Variants in GLG1 observed in about 807,000 individuals in gnomAD.
GLG1 encodes golgi glycoprotein 1, also known as Golgi apparatus protein 1.
Under a neutral mutation model 160.5 loss-of-function variants are expected in GLG1, and 38 were observed. The observed-to-expected ratio is 0.24, with a 90% CI of 0.18 to 0.31. The LOEUF (loss-of-function observed/expected upper bound fraction) is 0.31. GLG1 is among the 10% of genes least tolerant of loss of function. The pLI, the probability that GLG1 is intolerant of heterozygous loss-of-function variation, is 1.00. For synonymous variants in GLG1, 644 were observed against 543.4 expected (o/e 1.19, Z -2.57); for missense variants, 1,373 against 1,505.2 (o/e 0.91, Z 1.45).
At chr16:74,463,117 G>A (rs1449123021) in intron 20 of GLG1, 2 of 530,728 alleles carry the variant, frequency 3.8e-6, no homozygotes, top group East Asian at 3.1e-5. Context: ...CTGCCGGCCT[G>A]ATTCCTTCTG....
intron 1 of GLG1, among the ~76,000 whole-genome samples, chr16:74,535,008 AC>A (rs981298021): frequency 6.6e-6 from 1 of 152,082 alleles, no homozygotes; most frequent in African/African-American, 2.4e-5. Flanking sequence ...GTATTCCTGC[AC>A]CCCTGCCATT....
chr16:74,491,704 C>G (rs2015997072), intron 7 of GLG1, among the ~76,000 whole-genome samples: 1 of 133,068 alleles, frequency 7.5e-6, no homozygotes, highest in Non-Finnish European at 1.5e-5. Flanking sequence ...AGCGCGCGAT[C>G]TCGGCTCACT....
chr16:74,552,110 C>A (rs533453004), intron 1 of GLG1: 61 of 241,438 alleles, frequency 2.5e-4, no homozygotes, highest in Admixed American at 2.3e-3. Context: ...AAAAGCACAT[C>A]CAACATTTAC....
At chr16:74,510,591 T>C (rs1217661264) in intron 2 of GLG1, among the ~76,000 whole-genome samples, 1 of 152,218 alleles carries the variant, frequency 6.6e-6, no homozygotes, top group African/African-American at 2.4e-5. Context: ...CATTCCTCTC[T>C]GGCTACTATA....
chr16:74,564,082 G>A (rs538338878), intron 1 of GLG1, among the ~76,000 whole-genome samples: 20 of 152,242 alleles, frequency 1.3e-4, no homozygotes, highest in African/African-American at 2.9e-4. Flanking sequence ...CACGAGGCCC[G>A]GCTAATTTTT....
chr16:74,465,879 G>A, intron 18 of GLG1, 66 bp from the exon 19 acceptor site: 1 of 1,371,630 alleles, frequency 7.3e-7, no homozygotes, highest in Non-Finnish European at 1.0e-6. Flanking sequence ...TGTTCTGATT[G>A]AAACATTCAG....
At chr16:74,528,878 C>T (rs1165950328) in intron 2 of GLG1, among the ~76,000 whole-genome samples, 36 of 143,894 alleles carry the variant, frequency 2.5e-4, no homozygotes, top group South Asian at 4.6e-4. Flanking sequence ...TCACTAAGTT[C>T]GTTGAATTTA....
At chr16:74,466,966 G>C (rs1405009540) in intron 18 of GLG1, among the ~76,000 whole-genome samples, 1 of 152,238 alleles carries the variant, frequency 6.6e-6, no homozygotes, top group African/African-American at 2.4e-5. Flanking sequence ...AGCAATGACT[G>C]AGAATGTCCC....
At chr16:74,565,976 T>G (rs57899546) in intron 1 of GLG1, among the ~76,000 whole-genome samples, 2 of 152,230 alleles carry the variant, frequency 1.3e-5, no homozygotes, top group African/African-American at 2.4e-5. Flanking sequence ...CTTGACTGTT[T>G]TGAGGAAACC....
At chr16:74,587,660 G>A (rs987174065) in intron 1 of GLG1, among the ~76,000 whole-genome samples, 1 of 152,166 alleles carries the variant, frequency 6.6e-6, no homozygotes, top group African/African-American at 2.4e-5. Flanking sequence ...GAGGTCAAGA[G>A]ATCAAGACCA....
Position 74,494,429 on chromosome 16 carries a change from CAG to C in GLG1, c.1050+329_1050+330del, listed in dbSNP as rs1405175223. ...TTTTTTTTTTTTTTTTTTTTTGAGACAGAGTCTCACTCTGTCACCCAGGCTGG... is the reference window on the plus strand; with the variant it reads ...TTTTTTTTTTTTTTTTTTTTTGAGACAGTCTCACTCTGTCACCCAGGCTGG... On this transcript the variant is annotated intron_variant, in intron 6 of 25. Transcript: ENST00000422840. Among the ~76,000 whole-genome samples, 17 of 99,240 alleles carry C rather than the reference CAG, an allele frequency of 1.7e-4. No individual in the cohort carries two copies. In the Admixed American group the frequency reaches 2.4e-3, roughly 14 times the overall value. The allele number at this position is 99,240 out of a possible 152,430, so 65.1% of individuals were successfully genotyped here. A position where few individuals can be genotyped will look rare whatever the true frequency, so the allele number is the denominator to read the frequency against.
intron 1 of GLG1, among the ~76,000 whole-genome samples, chr16:74,589,090 C>T (rs111655617): frequency 3.3e-5 from 5 of 151,630 alleles, no homozygotes; most frequent in African/African-American, 1.2e-4. Context: ...AAAAGAACAA[C>T]AACAACAACA....
chr16:74,531,779 A>C (rs1280172481), intron 2 of GLG1, among the ~76,000 whole-genome samples: 2 of 152,244 alleles, frequency 1.3e-5, no homozygotes, highest in South Asian at 2.1e-4. Flanking sequence ...ATGTGCTACT[A>C]TAGCGTTTGG....
rs1337994239 is a variant in GLG1, at chr16:74,498,458, ATATATATATT to A, written c.775-1824_775-1815del. 1.9e-4 allele frequency among the ~76,000 whole-genome samples: 19 copies of A among 102,124 alleles called. 1 individual carries two copies. The highest frequency in any genetic ancestry group is 6.7e-4 in the African/African-American group (17 of 25,526). The allele number at this position is 102,124 out of a possible 152,430, so 67.0% of individuals were successfully genotyped here. On this transcript the variant is annotated intron_variant, in intron 4 of 25. Coordinates refer to ENST00000422840, the MANE Select transcript of GLG1 (RefSeq NM_001145667.2). ...CAAAAAAAAAAAAAAGTATATATAT[ATATATATATT>A]ATATTTTATATATATATTTTATATA...
chr16:74,515,988 T>G (rs1049765267), intron 2 of GLG1, among the ~76,000 whole-genome samples: 1 of 151,362 alleles, frequency 6.6e-6, no homozygotes, highest in African/African-American at 2.5e-5. Flanking sequence ...AGGGATCAAT[T>G]CAACAAGAAG....
At chr16:74,597,126 CA>C (rs1022978269) in intron 1 of GLG1, among the ~76,000 whole-genome samples, 8 of 145,100 alleles carry the variant, frequency 5.5e-5, no homozygotes, top group African/African-American at 1.0e-4. Context: ...CTCAAACAAA[CA>C]AAAAAAAAAC....
chr16:74,471,586 T>C (rs2015210476), intron 14 of GLG1, among the ~76,000 whole-genome samples: 1 of 152,176 alleles, frequency 6.6e-6, no homozygotes, highest in African/African-American at 2.4e-5. Context: ...CAGATCCTAA[T>C]GGTTCCTGGG....
intron 1 of GLG1, among the ~76,000 whole-genome samples, chr16:74,541,595 G>A (rs2143653662): frequency 6.6e-6 from 1 of 152,292 alleles, no homozygotes; most frequent in Admixed American, 6.5e-5. Flanking sequence ...ATAAGCATCA[G>A]GAGAAAAGTT....
intron 2 of GLG1, among the ~76,000 whole-genome samples, chr16:74,517,892 C>A (rs1567498167): frequency 6.6e-6 from 1 of 152,094 alleles, no homozygotes; most frequent in Non-Finnish European, 1.5e-5. Flanking sequence ...CACAAGCATT[C>A]CTATAAATCA....
Sources: allele counts gnomAD v4.1 joint callset (sites outside exome capture counted in the v4.1 genomes callset), GRCh38; gene constraint gnomAD v4.1.1; transcripts MANE v1.5; gene names NCBI Gene and HGNC (gene_info 2026-07-23, HGNC 2026-07-21).